The following UST variants were observed in gnomAD, a reference collection of about 807,000 sequenced individuals.
UST encodes the protein chondroitin sulfate 2-O-sulfotransferase.
In UST, 21 loss-of-function variants were observed where a neutral mutation model predicts 45.6. The observed-to-expected ratio is 0.46, with a 90% confidence interval of 0.33 to 0.66. UST has a LOEUF of 0.66. Ranked by LOEUF, UST falls within the 30% of genes least tolerant of loss-of-function variation. The pLI is 0.02. For synonymous variants in UST, 215 were observed against 200.6 expected, an observed-to-expected ratio of 1.07 and a Z score of -0.61; for missense variants, 463 against 512.4, an observed-to-expected ratio of 0.90 and a Z score of 0.93.
At chr6:148,933,426 GC>G (rs1476843996) in intron 2 of UST, among the ~76,000 whole-genome samples, 3 of 152,158 alleles carry the variant, frequency 2.0e-5, no homozygotes, top group African/African-American at 7.2e-5. Flanking sequence ...TCTGTAGGTA[GC>G]ATTACACATG....
chr6:149,058,700 A>G (rs1333510207), intron 7 of UST, among the ~76,000 whole-genome samples: 1 of 152,188 alleles, frequency 6.6e-6, no homozygotes, highest in Non-Finnish European at 1.5e-5. Context: ...CTTATATCAA[A>G]TTAAAAGTAT....
At chr6:148,891,919 G>A (rs970165764) in intron 2 of UST, among the ~76,000 whole-genome samples, 2 of 152,016 alleles carry the variant, frequency 1.3e-5, no homozygotes, top group African/African-American at 4.8e-5. Flanking sequence ...GCACCTGAAC[G>A]TTTTCAAACT....
intron 3 of UST, 27 bp from the exon 4 acceptor site, chr6:148,953,845 T>A: frequency 7.1e-7 from 1 of 1,404,794 alleles, no homozygotes; most frequent in Non-Finnish European, 9.8e-7. Context: ...AGATCCTATA[T>A]ATGCTAATTT....
chr6:148,962,834 G>A (rs928564546), intron 4 of UST, among the ~76,000 whole-genome samples: 1 of 152,162 alleles, frequency 6.6e-6, no homozygotes, highest in Non-Finnish European at 1.5e-5. Context: ...TAAAAATGCA[G>A]ATAAACCAGG....
chr6:148,919,045 A>G (rs370468626), intron 2 of UST, among the ~76,000 whole-genome samples: 12 of 152,078 alleles, frequency 7.9e-5, no homozygotes, highest in African/African-American at 2.2e-4. Flanking sequence ...TGTGATCTTT[A>G]CTATAGTACT....
At chr6:149,000,352 TG>T (rs1219230033) in intron 5 of UST, among the ~76,000 whole-genome samples, 1 of 152,184 alleles carries the variant, frequency 6.6e-6, no homozygotes, top group African/African-American at 2.4e-5. Context: ...TCTCATAAGA[TG>T]GGAAGTAAAA....
At position 149,075,817 on chromosome 6, in the gene UST, T is replaced by C. The variant is rs1776881972; in HGVS notation, c.*1701T>C. ...TAGCAAATGTGTGAGTTGGGAGTAG[T>C]TAATAGTAAATAAGACTCTGACTTT... On this transcript the variant is annotated 3_prime_UTR_variant, in exon 8 of 8. Transcript: ENST00000367463. 6.6e-6 allele frequency: 1 copy of C among 152,302 alleles called. No individual in the cohort carries two copies. Among genetic ancestry groups the C allele is most frequent in the Admixed American group, 6.5e-5 (1 of 15,276 alleles). 9.4% of individuals were successfully genotyped at this position (152,302 alleles called of 1,614,324 possible).
intron 1 of UST, among the ~76,000 whole-genome samples, chr6:148,763,095 G>T (rs1299603499): frequency 4.6e-5 from 7 of 152,182 alleles, no homozygotes; most frequent in African/African-American, 1.7e-4. Flanking sequence ...TTCCACAGAG[G>T]TTGTACTAAT....
At chr6:148,966,227 A>T (rs1234447884) in intron 5 of UST, among the ~76,000 whole-genome samples, 3 of 120,436 alleles carry the variant, frequency 2.5e-5, no homozygotes, top group African/African-American at 8.2e-5. Flanking sequence ...CCATCTCAAA[A>T]AATAATAATA....
At chr6:149,007,630 G>A (rs1582956441) in intron 5 of UST, among the ~76,000 whole-genome samples, 2 of 150,380 alleles carry the variant, frequency 1.3e-5, no homozygotes, top group Admixed American at 6.6e-5. Context: ...CACCATGTTG[G>A]CCAGACTAGT....
intron 7 of UST, among the ~76,000 whole-genome samples, chr6:149,030,015 T>A (rs1416348248): frequency 6.6e-6 from 1 of 152,140 alleles, no homozygotes. Context: ...TTCTAAGTCA[T>A]AATTACTTGT....
At chr6:149,067,700 C>G (rs1776761292) in intron 7 of UST, among the ~76,000 whole-genome samples, 2 of 152,276 alleles carry the variant, frequency 1.3e-5, no homozygotes, top group South Asian at 4.1e-4. Context: ...CCTCTCATTA[C>G]TGTATAAAAG....
intron 1 of UST, among the ~76,000 whole-genome samples, chr6:148,763,061 T>C (rs1776250706): frequency 6.6e-6 from 1 of 152,208 alleles, no homozygotes; most frequent in Admixed American, 6.5e-5. Context: ...GATTTTTAGT[T>C]CTTTGAGAAA....
At chr6:148,936,092 G>A (rs936492147) in intron 2 of UST, among the ~76,000 whole-genome samples, 2 of 152,242 alleles carry the variant, frequency 1.3e-5, no homozygotes, top group Non-Finnish European at 2.9e-5. Flanking sequence ...GGAGTCAGGA[G>A]AGCCGAGAGC....
rs17666421 is a variant in UST, at chr6:148,934,524, A to G, written c.292-6755A>G. 0.03 allele frequency among the ~76,000 whole-genome samples: 4,530 copies of G among 152,256 alleles called. 77 individuals are homozygous for G. Among genetic ancestry groups the G allele is most frequent in the Non-Finnish European group, 0.038 (2,608 of 68,012 alleles). On this transcript the variant is annotated intron_variant, in intron 2 of 7. Coordinates refer to ENST00000367463, the MANE Select transcript of UST (RefSeq NM_005715.3). The surrounding 1 kb of genome is among the most constrained non-coding windows in gnomAD (Gnocchi z 4.1). ...AGCCTGGGAGAGTGTGAGCATACTTATGAGGTTAATTATGACTGGTAAATG... is the reference window on the plus strand; with the variant it reads ...AGCCTGGGAGAGTGTGAGCATACTTGTGAGGTTAATTATGACTGGTAAATG...
At chr6:148,793,095 A>C (rs1776881615) in intron 1 of UST, among the ~76,000 whole-genome samples, 1 of 152,142 alleles carries the variant, frequency 6.6e-6, no homozygotes, top group African/African-American at 2.4e-5. Flanking sequence ...CCACTTAATG[A>C]CATGAAATGA....
At chr6:148,973,117 A>G (rs949299881) in intron 5 of UST, among the ~76,000 whole-genome samples, 1 of 152,222 alleles carries the variant, frequency 6.6e-6, no homozygotes, top group African/African-American at 2.4e-5. Flanking sequence ...TTTCATTGGC[A>G]TATGCAAATA....
chr6:148,859,870 AGT>A (rs1188408608), intron 1 of UST, among the ~76,000 whole-genome samples: 1 of 152,210 alleles, frequency 6.6e-6, no homozygotes, highest in African/African-American at 2.4e-5. Flanking sequence ...TTTTGGTACC[AGT>A]ACCGTGCTGT....
chr6:148,996,359 C>T (rs1167489129), intron 5 of UST, among the ~76,000 whole-genome samples: 4 of 152,208 alleles, frequency 2.6e-5, no homozygotes, highest in African/African-American at 9.6e-5. Context: ...GCTGGGACTA[C>T]AGGCACTTGC....
Sources: gnomAD v4.1 joint callset for allele counts (sites outside exome capture counted in the v4.1 genomes callset) on GRCh38, gnomAD v4.1.1 for gene constraint, Gnocchi (gnomAD v3.1) non-coding constraint, MANE v1.5 for transcripts, NCBI Gene and HGNC (gene_info 2026-07-23, HGNC 2026-07-21) for gene names.